SIPA1L2: variants seen among roughly 807,000 people sequenced by gnomAD.
SIPA1L2 encodes the protein signal-induced proliferation-associated 1-like protein 2.
SIPA1L2 carries 56 observed loss-of-function variants against 163.9 expected under a neutral mutation model. The ratio of observed to expected loss-of-function variants is 0.34; its 90% CI spans 0.28 to 0.43. The LOEUF is 0.43. Ranked by LOEUF, SIPA1L2 falls within the 20% of genes least tolerant of loss-of-function variation. The pLI is 1.00. For synonymous variants in SIPA1L2, 877 were observed against 865.7 expected (o/e 1.01, Z -0.23); for missense variants, 1,974 against 2,193.5 (o/e 0.90, Z 2.00).
intron 10 of SIPA1L2, among the ~76,000 whole-genome samples, chr1:232,454,100 C>A (rs1663749654): frequency 6.6e-6 from 1 of 152,030 alleles, no homozygotes; most frequent in African/African-American, 2.4e-5. Context: ...GGGAGATAAC[C>A]ACATAGTATA....
rs544013221 is a variant in SIPA1L2, at chr1:232,626,969, T to C, written c.-319+2900A>G. 2.6e-5 allele frequency among the ~76,000 whole-genome samples: 4 copies of C among 152,266 alleles called. No individual in the cohort carries two copies. In the South Asian group the frequency reaches 8.3e-4, roughly 32 times the overall value. ...TCACTCTGCAAATGAATTAGGCACA[T>C]TAACAGAAGTAGAAAACCTAGAACA... On this transcript the variant is annotated intron_variant, in intron 1 of 22. Transcript: ENST00000674635.
rs897427799 is a variant in SIPA1L2 at position 232,608,219 on chromosome 1, T to G, written c.-319+21650A>C. Among the ~76,000 whole-genome samples the G allele has an allele frequency of 4.5e-4, 69 of 152,158 alleles. 1 individual carries two copies. The highest frequency in any genetic ancestry group is 1.5e-5 in the Non-Finnish European group (1 of 68,036). ...CATCACCACACCCCACTAATTTTTT[T>G]GTATTTTTAGTAGAGACAGGGTTTC... On this transcript the variant is annotated intron_variant, in intron 1 of 22. Coordinates refer to ENST00000674635, the MANE Select transcript of SIPA1L2 (RefSeq NM_020808.5).
chr1:232,526,157 A>T (rs547154893), intron 2 of SIPA1L2, among the ~76,000 whole-genome samples: 7 of 152,300 alleles, frequency 4.6e-5, no homozygotes, highest in African/African-American at 1.7e-4. Context: ...TAGTCCCTGT[A>T]GTGCCAATAC....
chr1:232,601,470 C>T (rs1661590418), intron 1 of SIPA1L2, among the ~76,000 whole-genome samples: 1 of 152,194 alleles, frequency 6.6e-6, no homozygotes, highest in Admixed American at 6.5e-5. Flanking sequence ...GGGCACCAAA[C>T]AAAGGATAAC....
At position 232,415,558 on chromosome 1, in the gene SIPA1L2, G is replaced by A; in HGVS notation, c.4698C>T (p.Pro1566=). The A allele has an allele frequency of 2.5e-6, 4 of 1,613,858 alleles. No individual in the cohort carries two copies. The highest frequency in any genetic ancestry group is 3.4e-6 in the Non-Finnish European group (4 of 1,179,904). Residue 1566 remains proline, a synonymous_variant, in exon 19 of 23, where the codon CCC becomes CCT. Coordinates refer to ENST00000674635, the MANE Select transcript of SIPA1L2 (RefSeq NM_020808.5). ...KSKCADPGLM[P]LPDTATGLDW... is the part of the protein sequence containing the mutation. ...CTAACCCTGTGGCTGTGTCCGGGAG[G>A]GGCATCAGGCCAGGATCTGCGCACT...
intron 10 of SIPA1L2, among the ~76,000 whole-genome samples, chr1:232,454,181 A>C (rs768585510): frequency 6.6e-6 from 1 of 152,228 alleles, no homozygotes; most frequent in Non-Finnish European, 1.5e-5. Flanking sequence ...TTGCTTTTCA[A>C]CAAATTCCTT....
At chr1:232,528,493 AC>A (rs1358416398) in intron 2 of SIPA1L2, among the ~76,000 whole-genome samples, 1 of 152,134 alleles carries the variant, frequency 6.6e-6, no homozygotes, top group African/African-American at 2.4e-5. Context: ...ACCCAACCTA[AC>A]CCAAATTTAT....
intron 2 of SIPA1L2, among the ~76,000 whole-genome samples, chr1:232,523,667 A>T (rs2103065684): frequency 6.6e-6 from 1 of 152,094 alleles, no homozygotes; most frequent in East Asian, 1.9e-4. Context: ...CTGGAGCTTT[A>T]AAAAAAATAC....
chr1:232,611,501 C>T (rs1184175411), intron 1 of SIPA1L2, among the ~76,000 whole-genome samples: 3 of 152,100 alleles, frequency 2.0e-5, no homozygotes, highest in African/African-American at 7.2e-5. Flanking sequence ...CAATAAGGTC[C>T]AGGCTGAAGC....
rs372889036 is a variant in SIPA1L2 at position 232,627,984 on chromosome 1, T to C, written c.-319+1885A>G. Reference sequence around the variant, plus strand: ...TAATTTAGAACAAATTCAGTATGTCTTATTTTAAGCTGGGCAAGGCACACA... The same window carrying C: ...TAATTTAGAACAAATTCAGTATGTCCTATTTTAAGCTGGGCAAGGCACACA... On this transcript the variant is annotated intron_variant, in intron 1 of 22. Coordinates refer to ENST00000674635, the MANE Select transcript of SIPA1L2 (RefSeq NM_020808.5). Among the ~76,000 whole-genome samples, 3 of 152,252 alleles carry C rather than the reference T, an allele frequency of 2.0e-5. No individual in the cohort carries two copies. The East Asian group carries it at 5.8e-4, about 29-fold the overall frequency.
chr1:232,464,735 A>G, intron 9 of SIPA1L2, 105 bp downstream of exon 9: 1 of 916,310 alleles, frequency 1.1e-6, no homozygotes, highest in Non-Finnish European at 1.6e-6. Flanking sequence ...ATAGTAATGC[A>G]TTCCCTAATT....
chr1:232,596,845 C>T (rs1249458175), intron 1 of SIPA1L2, among the ~76,000 whole-genome samples: 1 of 152,144 alleles, frequency 6.6e-6, no homozygotes, highest in East Asian at 1.9e-4. Flanking sequence ...CTGAGAAGTG[C>T]AGGGACTTAT....
At chr1:232,454,470 C>T (rs560172735) in intron 10 of SIPA1L2, among the ~76,000 whole-genome samples, 4 of 152,302 alleles carry the variant, frequency 2.6e-5, no homozygotes, top group Admixed American at 2.0e-4. Context: ...AAATCAACTG[C>T]TTTGTTTCTT....
chr1:232,559,653 A>G (rs1658918874), intron 2 of SIPA1L2, among the ~76,000 whole-genome samples: 1 of 152,156 alleles, frequency 6.6e-6, no homozygotes, highest in African/African-American at 2.4e-5. Context: ...GATGAAGAAA[A>G]TTCTCCAAAA....
chr1:232,591,588 G>C (rs1660961778), intron 1 of SIPA1L2, among the ~76,000 whole-genome samples: 1 of 152,252 alleles, frequency 6.6e-6, no homozygotes. Flanking sequence ...TTTGTTGTGT[G>C]TTGCCTTTAA....
chr1:232,617,804 T>A (rs752638547), intron 1 of SIPA1L2, among the ~76,000 whole-genome samples: 75 of 152,348 alleles, frequency 4.9e-4, no homozygotes, highest in Middle Eastern at 3.4e-3. Flanking sequence ...ACTCCCAGAA[T>A]GATACACTTA....
intron 1 of SIPA1L2, among the ~76,000 whole-genome samples, chr1:232,620,575 A>G (rs1029546244): frequency 6.6e-6 from 1 of 152,238 alleles, no homozygotes; most frequent in African/African-American, 2.4e-5. Context: ...CCAAGCTAAG[A>G]GGATGAATTT....
intron 19 of SIPA1L2, among the ~76,000 whole-genome samples, chr1:232,408,229 G>A (rs768263570): frequency 6.6e-6 from 1 of 150,728 alleles, no homozygotes; most frequent in Non-Finnish European, 1.5e-5. Context: ...TGACCTTACA[G>A]CATGGGGGAG....
At chr1:232,432,575 GAGCAA>G (rs1450556504) in intron 15 of SIPA1L2, 104 bp from the exon 16 acceptor site, 2 of 1,085,632 alleles carry the variant, frequency 1.8e-6, no homozygotes, top group Non-Finnish European at 2.7e-6. Context: ...CTTTCTCCGA[GAGCAA>G]AATCGGGCCC....
Sources: allele counts gnomAD v4.1 joint callset (sites outside exome capture counted in the v4.1 genomes callset), GRCh38; gene constraint gnomAD v4.1.1; transcripts MANE v1.5; gene names NCBI Gene and HGNC (gene_info 2026-07-23, HGNC 2026-07-21).